The following SV2C variants were observed in gnomAD, a reference collection of about 807,000 sequenced individuals.
The protein encoded by SV2C is solute carrier family 22 member B3.
A neutral mutation model predicts 79.7 loss-of-function variants in SV2C; 49 were observed. The ratio of observed to expected loss-of-function variants is 0.61; its 90% CI spans 0.49 to 0.78. The LOEUF is 0.78. Among genes scored for constraint, SV2C ranks in the 30% least tolerant of loss-of-function variants. SV2C has a pLI of 0.00. For missense variants in SV2C, 833 were observed against 912.9 expected, an observed-to-expected ratio of 0.91 and a Z score of 1.13; for synonymous variants, 334 against 333.2, an observed-to-expected ratio of 1.00 and a Z score of -0.03.
At chr5:76,161,435 C>G (rs1456109810) in intron 2 of SV2C, among the ~76,000 whole-genome samples, 3 of 152,182 alleles carry the variant, frequency 2.0e-5, no homozygotes, top group African/African-American at 7.2e-5. Flanking sequence ...TCTTCTCTCT[C>G]TGTCACGCAG....
chr5:76,167,192 A>C (rs1477949367), intron 2 of SV2C, among the ~76,000 whole-genome samples: 2 of 152,166 alleles, frequency 1.3e-5, no homozygotes, highest in African/African-American at 4.8e-5. Context: ...TAATATGTGA[A>C]TCTACACCTT....
intron 12 of SV2C, among the ~76,000 whole-genome samples, chr5:76,341,027 T>C (rs1749431598): frequency 6.7e-6 from 1 of 150,304 alleles, no homozygotes; most frequent in African/African-American, 2.5e-5. Context: ...GCCTCCCAGG[T>C]TCAAGCGATT....
chr5:75,922,843 C>T, the SV2C span, among the ~76,000 whole-genome samples: 1 of 152,164 alleles, frequency 6.6e-6, no homozygotes, highest in African/African-American at 2.4e-5. Flanking sequence ...AGCCACCTGG[C>T]CCACATTGGA....
At chr5:76,202,913 G>A (rs777268162) in intron 3 of SV2C, among the ~76,000 whole-genome samples, 2 of 152,042 alleles carry the variant, frequency 1.3e-5, no homozygotes, top group Admixed American at 6.5e-5. Context: ...ACATATATTG[G>A]GTTAAATGAC....
At chr5:75,966,526 G>A in the SV2C span, among the ~76,000 whole-genome samples, 1 of 152,140 alleles carries the variant, frequency 6.6e-6, no homozygotes, top group African/African-American at 2.4e-5. Context: ...ACTCCCACCA[G>A]TGCCATGACA....
the SV2C span, among the ~76,000 whole-genome samples, chr5:76,051,194 A>T: frequency 4.2e-4 from 64 of 152,298 alleles, no homozygotes; most frequent in Admixed American, 3.6e-3. Context: ...TATAAAAAAA[A>T]GTTCAACAAC....
chr5:75,889,663 C>T, the SV2C span, among the ~76,000 whole-genome samples: 13 of 152,094 alleles, frequency 8.5e-5, no homozygotes, highest in African/African-American at 3.1e-4. Flanking sequence ...CATTCTGAGG[C>T]ACTGGGGTCA....
intron 3 of SV2C, among the ~76,000 whole-genome samples, chr5:76,198,243 G>A (rs980457117): frequency 6.6e-5 from 10 of 152,264 alleles, no homozygotes; most frequent in Middle Eastern, 6.8e-3. Context: ...TTTGATCCCC[G>A]GTGTTGGAGG....
At chr5:76,186,404 G>C (rs1392636257) in intron 2 of SV2C, among the ~76,000 whole-genome samples, 3 of 152,132 alleles carry the variant, frequency 2.0e-5, no homozygotes, top group African/African-American at 7.2e-5. Flanking sequence ...ATAAGGAAAA[G>C]AGGTTGGCCA....
chr5:76,288,416 A>G (rs532345722), intron 6 of SV2C, among the ~76,000 whole-genome samples: 226 of 152,322 alleles, frequency 1.5e-3, no homozygotes, highest in African/African-American at 5.2e-3. Flanking sequence ...GATATCCTCA[A>G]TTAAGGCCTG....
the SV2C span, among the ~76,000 whole-genome samples, chr5:75,876,267 G>A: frequency 2.0e-5 from 3 of 151,836 alleles, no homozygotes; most frequent in Non-Finnish European, 4.4e-5. Context: ...TGTCTTTTTT[G>A]GGAACATGGA....
At chr5:76,286,943 G>A (rs1747376271) in intron 6 of SV2C, 1 of 152,060 alleles carries the variant, frequency 6.6e-6, no homozygotes, top group East Asian at 1.9e-4. Flanking sequence ...CAACACGTGG[G>A]GATTATGGGA....
intron 4 of SV2C, among the ~76,000 whole-genome samples, chr5:76,222,841 AC>A (rs1207011872): frequency 6.6e-6 from 1 of 152,236 alleles, no homozygotes; most frequent in Admixed American, 6.5e-5. Context: ...AACTATTACT[AC>A]CCTTTTTTGA....
the SV2C span, among the ~76,000 whole-genome samples, chr5:75,955,556 A>C: frequency 0.46 from 64,589 of 141,846 alleles, 14,774 homozygotes; most frequent in East Asian, 0.67. Context: ...GGATCTAATT[A>C]AACTAAAGAG....
At chr5:76,148,765 T>A (rs1013666329) in intron 2 of SV2C, among the ~76,000 whole-genome samples, 1 of 152,194 alleles carries the variant, frequency 6.6e-6, no homozygotes, top group African/African-American at 2.4e-5. Context: ...TGGCCTCCCT[T>A]TCTAATGGGT....
chr5:76,304,397 T>C (rs1052502798), intron 12 of SV2C, among the ~76,000 whole-genome samples: 1 of 152,222 alleles, frequency 6.6e-6, no homozygotes, highest in Admixed American at 6.5e-5. Flanking sequence ...CACTGATCTC[T>C]AACTCAGCTA....
intron 1 of SV2C, among the ~76,000 whole-genome samples, chr5:76,119,913 C>T (rs1000853969): frequency 2.0e-5 from 3 of 151,914 alleles, no homozygotes; most frequent in African/African-American, 4.8e-5. Flanking sequence ...TGATATTTAC[C>T]GTAGTAGAAA....
chr5:76,132,158 G>A lies in SV2C; in HGVS notation c.408G>A (p.Gln136=), dbSNP rs1247536612. 1.2e-6 allele frequency: 2 copies of A among 1,614,064 alleles called. No individual in the cohort carries two copies. Among genetic ancestry groups the A allele is most frequent in the Non-Finnish European group, 1.7e-6 (2 of 1,180,038 alleles). Residue 136 remains glutamine (Q), a synonymous_variant, in exon 2 of 13, where the codon CAG becomes CAA. Transcript: ENST00000502798. ...GAGCTGACGAGGAAGAGTTAGCCCAGCAGTATGAGCTGATAATCCAAGAAT... is the reference window on the plus strand; with the variant it reads ...GAGCTGACGAGGAAGAGTTAGCCCAACAGTATGAGCTGATAATCCAAGAAT... ...ERRADEEELA[Q]QYELIIQECG...
the SV2C span, among the ~76,000 whole-genome samples, chr5:75,870,055 T>G: frequency 6.6e-6 from 1 of 152,106 alleles, no homozygotes; most frequent in Non-Finnish European, 1.5e-5. Context: ...AAGCCCAGAC[T>G]GTGAAGACTC....
Sources: gnomAD v4.1 joint callset for allele counts (sites outside exome capture counted in the v4.1 genomes callset) on GRCh38, gnomAD v4.1.1 for gene constraint, MANE v1.5 for transcripts, NCBI Gene and HGNC (gene_info 2026-07-23, HGNC 2026-07-21) for gene names.